Variants in SPATA7 observed in about 807,000 individuals in gnomAD.
SPATA7 encodes spermatogenesis-associated protein 7.
In SPATA7, 43 loss-of-function variants were observed where a neutral mutation model predicts 51.8. The observed-to-expected ratio is 0.83, with a 90% CI of 0.65 to 1.07. The LOEUF (loss-of-function observed/expected upper bound fraction) is 1.07. SPATA7 is among the 50% of genes least tolerant of loss of function. SPATA7 has a pLI of 0.00. For missense variants in SPATA7, 683 were observed against 701.3 expected (o/e 0.97, Z 0.30); for synonymous variants, 230 against 252.8 (o/e 0.91, Z 0.86).
At chr14:88,385,989 C>G (rs767005322) in intron 1 of SPATA7, 152 bp downstream of exon 1, 2 of 1,503,134 alleles carry the variant, frequency 1.3e-6, no homozygotes, top group Admixed American at 2.2e-5. Context: ...GCTGCCCAGG[C>G]CTGCGCAAAG....
intron 4 of SPATA7, among the ~76,000 whole-genome samples, chr14:88,406,294 CT>C (rs1277816890): frequency 1.3e-5 from 2 of 151,964 alleles, no homozygotes; most frequent in Non-Finnish European, 2.9e-5. Context: ...ATAAGATTCA[CT>C]GATTTTTTAC....
Position 88,468,160 on chromosome 14 carries a change from G to C in SPATA7, c.255-1687G>C, listed in dbSNP as rs1484954871. ...GCTTAGATGAGCCTGGAGCTTTTCA[G>C]GAACTGGATGAGGACTCTGTACACA... is the stretch of plus-strand genomic sequence containing the variant. On this transcript the variant is annotated intron_variant, in intron 4 of 4. Coordinates refer to the SPATA7 transcript ENST00000556406. The C allele has an allele frequency of 2.5e-6, 4 of 1,613,838 alleles. No homozygotes were observed. The Admixed American group carries it at 6.7e-5, about 27-fold the overall frequency.
At chr14:88,420,115 A>C (rs2076600675) in intron 5 of SPATA7, among the ~76,000 whole-genome samples, 1 of 152,300 alleles carries the variant, frequency 6.6e-6, no homozygotes, top group South Asian at 2.1e-4. Context: ...AAGATTTTCC[A>C]CAGTGACTGC....
At chr14:88,424,910 T>C (rs2076746176) in intron 5 of SPATA7, among the ~76,000 whole-genome samples, 1 of 152,184 alleles carries the variant, frequency 6.6e-6, no homozygotes, top group Non-Finnish European at 1.5e-5. Flanking sequence ...TTTTTTGCTT[T>C]GATAAATCAG....
At chr14:88,414,970 C>A (rs550296219) in intron 4 of SPATA7, among the ~76,000 whole-genome samples, 1 of 152,014 alleles carries the variant, frequency 6.6e-6, no homozygotes. Context: ...GCTTTGTCTT[C>A]GAGCATGTGG....
chr14:88,391,646 T>TTAA (rs1566746259), intron 2 of SPATA7, 191 bp downstream of exon 2: 6 of 650,172 alleles, frequency 9.2e-6, no homozygotes, highest in Non-Finnish European at 1.7e-5. Context: ...CAAACTATTA[T>TTAA]TGTGCCCTGG....
chr14:88,386,092 A>G (rs2075567309), intron 1 of SPATA7: 2 of 1,358,008 alleles, frequency 1.5e-6, no homozygotes, highest in Admixed American at 2.9e-5. Flanking sequence ...TCCTGAACTC[A>G]GGGTCGTGCA....
chr14:88,436,066 C>T (rs1208081882), intron 10 of SPATA7, among the ~76,000 whole-genome samples: 1 of 152,150 alleles, frequency 6.6e-6, no homozygotes, highest in African/African-American at 2.4e-5. Context: ...CACATCCTCA[C>T]CAGCATTTAT....
intron 3 of SPATA7, among the ~76,000 whole-genome samples, chr14:88,450,053 G>A (rs1203835586): frequency 6.6e-6 from 1 of 151,926 alleles, no homozygotes; most frequent in Non-Finnish European, 1.5e-5. Flanking sequence ...AATGTAGGAG[G>A]GTTGTATATT....
chr14:88,449,377 A>G (rs117645156), intron 3 of SPATA7, among the ~76,000 whole-genome samples: 1 of 152,056 alleles, frequency 6.6e-6, no homozygotes, highest in African/African-American at 2.4e-5. Context: ...TTTATTTGGC[A>G]TGGTTTTGAG....
chr14:88,410,063 T>G (rs2076298497), intron 4 of SPATA7, among the ~76,000 whole-genome samples: 2 of 152,186 alleles, frequency 1.3e-5, no homozygotes, highest in South Asian at 4.1e-4. Context: ...GAATGTATAT[T>G]CTGTTGATTT....
chr14:88,389,715 G>A (rs1030019450), intron 1 of SPATA7, among the ~76,000 whole-genome samples: 2 of 152,164 alleles, frequency 1.3e-5, no homozygotes, highest in African/African-American at 2.4e-5. Flanking sequence ...GTTCACAGCT[G>A]TCACTTACAG....
chr14:88,412,075 A>T (rs937762706), intron 4 of SPATA7, among the ~76,000 whole-genome samples: 1 of 152,130 alleles, frequency 6.6e-6, no homozygotes, highest in Non-Finnish European at 1.5e-5. Context: ...GGTATGAAAT[A>T]GTATCTCATT....
At chr14:88,415,852 G>A (rs952772930) in intron 4 of SPATA7, 3 of 152,198 alleles carry the variant, frequency 2.0e-5, no homozygotes, top group Non-Finnish European at 4.4e-5. Context: ...TAGTGTTGGA[G>A]TTGGCGCCTG....
intron 4 of SPATA7, chr14:88,406,802 C>G (rs1351001360): frequency 1.3e-5 from 2 of 152,178 alleles, no homozygotes; most frequent in Non-Finnish European, 2.9e-5. Context: ...TGTTCCCCTC[C>G]TGGTGTCCAT....
chr14:88,413,849 C>T lies in SPATA7; in HGVS notation c.239-2862C>T, dbSNP rs185663489. 1.7e-3 allele frequency among the ~76,000 whole-genome samples: 259 copies of T among 151,800 alleles called. 1 individual carries two copies. The highest frequency in any genetic ancestry group is 3.2e-3 in the Non-Finnish European group (215 of 67,916). On this transcript the variant is annotated intron_variant, in intron 4 of 11. Transcript: ENST00000393545. ...TTTTAATTCTGTTTATATGGTGAAT[C>T]GCATTTATTGATTTGCATATGTTGA...
intron 4 of SPATA7, chr14:88,468,017 T>C (rs2077391479): frequency 7.8e-7 from 1 of 1,286,372 alleles, no homozygotes; most frequent in Non-Finnish European, 1.1e-6. Flanking sequence ...CTGCGCCACT[T>C]ACGTCCCAGT....
intron 10 of SPATA7, among the ~76,000 whole-genome samples, chr14:88,433,845 TTATTTC>T (rs1483159779): frequency 2.0e-5 from 3 of 152,182 alleles, no homozygotes; most frequent in Non-Finnish European, 4.4e-5. Flanking sequence ...TTTTAATAAA[TTATTTC>T]TATCCTCTAC....
intron 3 of SPATA7, among the ~76,000 whole-genome samples, chr14:88,449,056 A>T (rs1378276992): frequency 1.3e-5 from 2 of 151,198 alleles, no homozygotes; most frequent in Non-Finnish European, 2.9e-5. Flanking sequence ...TGTTTGTTTC[A>T]ATTTCATTTA....
Sources: gnomAD v4.1 joint callset for allele counts (sites outside exome capture counted in the v4.1 genomes callset) on GRCh38, gnomAD v4.1.1 for gene constraint, MANE v1.5 for transcripts, NCBI Gene and HGNC (gene_info 2026-07-23, HGNC 2026-07-21) for gene names.